The following ZNF724 variants were observed in gnomAD, a reference collection of about 807,000 sequenced individuals.
ZNF724 encodes zinc finger protein 724.
ZNF724 carries 14 observed loss-of-function variants against 29.3 expected under a neutral mutation model. That is an observed-to-expected ratio of 0.48 (90% CI 0.32 to 0.75). The LOEUF is 0.75. ZNF724 is among the 30% of genes least tolerant of loss of function. The pLI is 0.04. For synonymous variants in ZNF724, 180 were observed against 193.6 expected (o/e 0.93, Z 0.58); for missense variants, 557 against 571.2 (o/e 0.98, Z 0.25).
chr19:23,248,994 AAAAC>A (rs201152655), intron 1 of ZNF724, among the ~76,000 whole-genome samples: 2,068 of 144,338 alleles, frequency 0.014, 60 homozygotes, highest in African/African-American at 0.048. Context: ...TCAAAAAAAC[AAAAC>A]AAACAAACAA....
chr19:23,232,105 T>C (rs1971944485), intron 2 of ZNF724, 62 bp downstream of exon 2: 1 of 1,194,112 alleles, frequency 8.4e-7, no homozygotes, highest in South Asian at 1.3e-5. Context: ...AAAAACATCC[T>C]ACAAAAAAAC....
chr19:23,239,988 G>T (rs1025592897), intron 1 of ZNF724, among the ~76,000 whole-genome samples: 1 of 152,128 alleles, frequency 6.6e-6, no homozygotes, highest in African/African-American at 2.4e-5. Flanking sequence ...GATTAGCAAA[G>T]AAAGAAGATC....
chr19:23,250,156 A>C, intron 1 of ZNF724, 84 bp downstream of exon 1: 1 of 557,556 alleles, frequency 1.8e-6, no homozygotes, highest in Non-Finnish European at 3.6e-6. Context: ...GACTGCGGGG[A>C]GGCCCGAGTC....
intron 1 of ZNF724, among the ~76,000 whole-genome samples, chr19:23,237,151 C>G (rs1972035016): frequency 6.6e-6 from 1 of 152,114 alleles, no homozygotes; most frequent in Admixed American, 6.6e-5. Context: ...CAGCACCCAG[C>G]CTTCACCAAC....
At chr19:23,228,990 G>A (rs1971888185) in intron 3 of ZNF724, among the ~76,000 whole-genome samples, 1 of 152,028 alleles carries the variant, frequency 6.6e-6, no homozygotes, top group African/African-American at 2.4e-5. Context: ...CTGAACCTGG[G>A]AGGCGGAGGT....
chr19:23,226,936 C>A (rs1054279066), intron 3 of ZNF724, among the ~76,000 whole-genome samples: 4 of 151,346 alleles, frequency 2.6e-5, no homozygotes, highest in Non-Finnish European at 5.9e-5. Context: ...AAGAAACCAA[C>A]ACTAAAAAAA....
At chr19:23,224,784 G>A (rs1041196312) in intron 3 of ZNF724, among the ~76,000 whole-genome samples, 12 of 151,830 alleles carry the variant, frequency 7.9e-5, no homozygotes, top group Non-Finnish European at 7.4e-5. Context: ...GCGAAACCCC[G>A]TCTCTACTAA....
intron 3 of ZNF724, among the ~76,000 whole-genome samples, chr19:23,225,319 T>C (rs1971807513): frequency 1.3e-5 from 2 of 152,028 alleles, no homozygotes; most frequent in African/African-American, 4.8e-5. Flanking sequence ...CTTAAAAAAA[T>C]CGTGGCCGTG....
intron 1 of ZNF724, among the ~76,000 whole-genome samples, chr19:23,243,934 AAAATT>A (rs1244191943): frequency 4.9e-5 from 6 of 121,458 alleles, no homozygotes; most frequent in African/African-American, 1.9e-4. Flanking sequence ...AAAAAAAAAA[AAAATT>A]AAATTAAATA....
intron 3 of ZNF724, among the ~76,000 whole-genome samples, chr19:23,224,533 ATGAGT>A (rs1971789594): frequency 6.6e-6 from 1 of 152,364 alleles, no homozygotes; most frequent in East Asian, 1.9e-4. Flanking sequence ...AAATTTATAA[ATGAGT>A]TAAGTGTGTA....
intron 1 of ZNF724, among the ~76,000 whole-genome samples, chr19:23,234,680 G>A (rs1394271151): frequency 1.3e-5 from 2 of 152,174 alleles, no homozygotes; most frequent in Admixed American, 6.5e-5. Flanking sequence ...TGGAACTCCT[G>A]ACATCAGGTG....
chr19:23,238,437 G>C (rs189819121), intron 1 of ZNF724, among the ~76,000 whole-genome samples: 307 of 152,266 alleles, frequency 2.0e-3, no homozygotes, highest in South Asian at 6.6e-3. Context: ...AGACAATCCT[G>C]AGTCAGAAAG....
intron 1 of ZNF724, among the ~76,000 whole-genome samples, chr19:23,247,909 A>G (rs947296671): frequency 2.0e-5 from 3 of 152,198 alleles, no homozygotes; most frequent in African/African-American, 4.8e-5. Context: ...GCTACACTCC[A>G]TACCTCAGCT....
Position 23,231,372 on chromosome 19 carries a change from A to G in ZNF724, c.131-11T>C. On this transcript the variant is annotated splice_polypyrimidine_tract_variant and intron_variant, in intron 2 of 3. Transcript: ENST00000418100. ...TAGAGACAGCAATACCTGTTTTATT[A>G]AAAATAAATAACATGAATGTTGCTC... The G allele has an allele frequency of 7.5e-7, 1 of 1,331,832 alleles. No individual in the cohort carries two copies. The highest frequency in any genetic ancestry group is 1.1e-6 in the Non-Finnish European group (1 of 934,344). The allele number at this position is 1,331,832 out of a possible 1,614,324, so 82.5% of individuals were successfully genotyped here.
At chr19:23,237,885 T>A (rs1972048938) in intron 1 of ZNF724, among the ~76,000 whole-genome samples, 1 of 152,222 alleles carries the variant, frequency 6.6e-6, no homozygotes, top group Non-Finnish European at 1.5e-5. Context: ...TTTTGCAGTG[T>A]AAGTACTTCA....
At chr19:23,239,701 C>T (rs1219183619) in intron 1 of ZNF724, among the ~76,000 whole-genome samples, 1 of 152,106 alleles carries the variant, frequency 6.6e-6, no homozygotes, top group Non-Finnish European at 1.5e-5. Context: ...ATCTCAGCTA[C>T]TCGGGAGGCT....
chr19:23,229,296 TCA>T (rs753356224), intron 3 of ZNF724, among the ~76,000 whole-genome samples: 3 of 132,126 alleles, frequency 2.3e-5, no homozygotes, highest in Non-Finnish European at 5.0e-5. Flanking sequence ...CTCCTCCCAG[TCA>T]CAGTCTGGGA....
chr19:23,245,711 A>T (rs577204701), intron 1 of ZNF724, among the ~76,000 whole-genome samples: 1 of 151,880 alleles, frequency 6.6e-6, no homozygotes, highest in Admixed American at 6.6e-5. Context: ...GCTCCTTAAT[A>T]TGAAAAAAAC....
At position 23,223,896 on chromosome 19, in the gene ZNF724, A is replaced by G. The variant is rs1971773596; in HGVS notation, c.349T>C (p.Tyr117His). The G allele has an allele frequency of 1.3e-6, 1 of 775,914 alleles. No homozygotes were observed. Among genetic ancestry groups the G allele is most frequent in the African/African-American group, 1.7e-5 (1 of 58,984 alleles). The allele number at this position is 775,914 out of a possible 1,614,324, so 48.1% of individuals were successfully genotyped here. A position where few individuals can be genotyped will look rare whatever the true frequency, so the allele number is the denominator to read the frequency against. ...ACCTTGTACTCATCCACACTTTTAT[A>G]GCCTTTTTTTAACTGTAAATTGTGA... Reference protein sequence around the residue: ...GHHNLQLKKGYKSVDEYKVHK... With the variant: ...GHHNLQLKKGHKSVDEYKVHK... The change falls in exon 4 of 4, where the codon TAT (tyrosine) becomes CAT (histidine). Residue 117 changes from tyrosine (Y) to histidine (H), a missense_variant. Tyr to His is a moderately conservative substitution (Grantham distance 83). Coordinates refer to ENST00000418100, the MANE Select transcript of ZNF724 (RefSeq NM_001355404.2).
Sources: allele counts gnomAD v4.1 joint callset (sites outside exome capture counted in the v4.1 genomes callset), GRCh38; gene constraint gnomAD v4.1.1; transcripts MANE v1.5; gene names NCBI Gene and HGNC (gene_info 2026-07-23, HGNC 2026-07-21).